GPM6B: variants seen among roughly 807,000 people sequenced by gnomAD.
GPM6B encodes the protein neuronal membrane glycoprotein M6-b.
Under a neutral mutation model 27.2 loss-of-function variants are expected in GPM6B, and 4 were observed. That is an observed-to-expected ratio of 0.15 (90% confidence interval 0.07 to 0.34). GPM6B has a LOEUF of 0.34. Ranked by LOEUF, GPM6B falls within the 10% of genes least tolerant of loss-of-function variation. The pLI, the probability that GPM6B is intolerant of heterozygous loss-of-function variation, is 1.00. For synonymous variants in GPM6B, 124 were observed against 103.1 expected (o/e 1.20, Z -1.23); for missense variants, 183 against 261.9 (o/e 0.70, Z 2.08).
chrX:13,905,882 TAA>T (rs138188403), intron 1 of GPM6B, among the ~76,000 whole-genome samples: 1 of 104,640 alleles, frequency 9.6e-6, no homozygotes, highest in African/African-American at 3.5e-5. Context: ...ACAATGGGAT[TAA>T]AAAAAAAAAC....
intron 1 of GPM6B, among the ~76,000 whole-genome samples, chrX:13,846,185 C>T (rs930986145): frequency 5.4e-5 from 6 of 110,572 alleles, no homozygotes; most frequent in African/African-American, 9.9e-5. Flanking sequence ...ATTTCCTCTA[C>T]GAAATTCTGA....
intron 1 of GPM6B, among the ~76,000 whole-genome samples, chrX:13,885,109 A>G (rs1418477703): frequency 8.9e-6 from 1 of 112,483 alleles, no homozygotes; most frequent in African/African-American, 3.2e-5. Flanking sequence ...CTGCATTCCC[A>G]GAACAGGACA....
chrX:13,795,249 G>C (rs1569205908), intron 2 of GPM6B, among the ~76,000 whole-genome samples: 2 of 112,339 alleles, frequency 1.8e-5, no homozygotes. Flanking sequence ...GAATATAAGA[G>C]TCAATCAAAG....
intron 2 of GPM6B, among the ~76,000 whole-genome samples, chrX:13,801,128 A>G (rs1417452021): frequency 1.8e-5 from 2 of 112,097 alleles, no homozygotes; most frequent in Non-Finnish European, 1.9e-5. Context: ...AAAACTTGCT[A>G]AAGTGCACTG....
At chrX:13,910,561 A>C (rs1180502817) in intron 1 of GPM6B, among the ~76,000 whole-genome samples, 3 of 113,334 alleles carry the variant, frequency 2.6e-5, no homozygotes, top group Non-Finnish European at 5.6e-5. Flanking sequence ...ACCTTTCTAA[A>C]CAAGACACTG....
intron 7 of GPM6B, among the ~76,000 whole-genome samples, chrX:13,775,998 G>C (rs1408219140): frequency 8.9e-6 from 1 of 112,548 alleles, no homozygotes; most frequent in Non-Finnish European, 1.9e-5. Context: ...CTAGTTGATA[G>C]GTGTTGATAC....
At chrX:13,931,166 A>C (rs756719748) in intron 1 of GPM6B, among the ~76,000 whole-genome samples, 134 of 107,637 alleles carry the variant, frequency 1.2e-3, no homozygotes, top group African/African-American at 4.3e-3. Flanking sequence ...CCTGGGTGAC[A>C]GAACTAGACT....
At chrX:13,840,143 G>A (rs763343836) in intron 1 of GPM6B, among the ~76,000 whole-genome samples, 50 of 112,429 alleles carry the variant, frequency 4.4e-4, no homozygotes, top group Admixed American at 8.4e-4. Context: ...GAGAAGGCAT[G>A]TAATACTTGG....
At chrX:13,802,912 G>A (rs1603021458) in intron 2 of GPM6B, among the ~76,000 whole-genome samples, 2 of 111,690 alleles carry the variant, frequency 1.8e-5, no homozygotes, top group African/African-American at 3.3e-5. Flanking sequence ...GAACCCACAC[G>A]GCACGACCAG....
chrX:13,828,355 C>G (rs894294423), intron 1 of GPM6B, among the ~76,000 whole-genome samples: 2 of 110,526 alleles, frequency 1.8e-5, no homozygotes, highest in Non-Finnish European at 3.8e-5. Flanking sequence ...GAAGAGAGAC[C>G]TGAGTTAGCA....
intron 1 of GPM6B, among the ~76,000 whole-genome samples, chrX:13,884,714 G>T (rs2050117905): frequency 9.0e-6 from 1 of 110,645 alleles, no homozygotes; most frequent in Non-Finnish European, 1.9e-5. Context: ...ATTTTCCCCT[G>T]AGAGCTACAA....
intron 1 of GPM6B, among the ~76,000 whole-genome samples, chrX:13,880,887 C>T (rs1335803248): frequency 9.1e-6 from 1 of 109,922 alleles, no homozygotes; most frequent in African/African-American, 3.3e-5. Context: ...ATACGTTACA[C>T]CGGTTTCTCC....
At chrX:13,908,169 C>T (rs2050346457) in intron 1 of GPM6B, among the ~76,000 whole-genome samples, 1 of 109,484 alleles carries the variant, frequency 9.1e-6, no homozygotes, top group Non-Finnish European at 1.9e-5. Flanking sequence ...ATCTCTGTAC[C>T]TTGCTTTTAA....
intron 1 of GPM6B, among the ~76,000 whole-genome samples, chrX:13,843,133 C>T (rs1051086256): frequency 1.8e-5 from 2 of 112,072 alleles, no homozygotes; most frequent in African/African-American, 3.2e-5. Flanking sequence ...TTCAAAGCAA[C>T]CATTAGGAGC....
chrX:13,844,986 C>CTTTT (rs200629548), intron 1 of GPM6B, among the ~76,000 whole-genome samples: 1 of 98,230 alleles, frequency 1.0e-5, no homozygotes, highest in Admixed American at 1.1e-4. Flanking sequence ...AACGTTTTTT[C>CTTTT]TTTTTCTTTT....
At chrX:13,812,349 G>A (rs776978040) in intron 1 of GPM6B, among the ~76,000 whole-genome samples, 1 of 111,640 alleles carries the variant, frequency 9.0e-6, no homozygotes, top group East Asian at 2.8e-4. Flanking sequence ...CACCACACCC[G>A]GCAGAGAACA....
intron 1 of GPM6B, among the ~76,000 whole-genome samples, chrX:13,844,987 TTTTTC>T (rs2049627192): frequency 1.0e-5 from 1 of 97,443 alleles, no homozygotes; most frequent in Admixed American, 1.1e-4. Flanking sequence ...ACGTTTTTTC[TTTTTC>T]TTTTTTTTTT....
At chrX:13,849,456 G>T (rs772581956) in intron 1 of GPM6B, among the ~76,000 whole-genome samples, 17 of 112,228 alleles carry the variant, frequency 1.5e-4, no homozygotes, top group Non-Finnish European at 3.2e-4. Context: ...TTGCCTGGAG[G>T]CCAGATGTGT....
At chrX:13,922,113 T>C (rs1920985405) in intron 1 of GPM6B, among the ~76,000 whole-genome samples, 1 of 111,515 alleles carries the variant, frequency 9.0e-6, no homozygotes, top group African/African-American at 3.3e-5. Context: ...TCTGAGCCTG[T>C]CTCTGGAGTA....
Sources: gnomAD v4.1 joint callset for allele counts (sites outside exome capture counted in the v4.1 genomes callset) on GRCh38, gnomAD v4.1.1 for gene constraint, MANE v1.5 for transcripts, NCBI Gene and HGNC (gene_info 2026-07-23, HGNC 2026-07-21) for gene names.